Variants in TMCO5A observed in about 807,000 individuals in gnomAD.
The protein encoded by TMCO5A is transmembrane and coiled-coil domain-containing protein 5A.
Under a neutral mutation model 42.3 loss-of-function variants are expected in TMCO5A, and 34 were observed. That is an observed-to-expected ratio of 0.80 (90% CI 0.61 to 1.07). The LOEUF is 1.07. Among genes scored for constraint, TMCO5A ranks in the 50% least tolerant of loss-of-function variants. The pLI, the probability that TMCO5A is intolerant of heterozygous loss-of-function variation, is 0.00. For missense variants in TMCO5A, 357 were observed against 327.9 expected (o/e 1.09, Z -0.69); for synonymous variants, 131 against 115.6 (o/e 1.13, Z -0.86).
At chr15:37,939,579 A>G (rs1889657001) in intron 6 of TMCO5A, among the ~76,000 whole-genome samples, 1 of 152,120 alleles carries the variant, frequency 6.6e-6, no homozygotes. Flanking sequence ...GACAGAGAAC[A>G]AAGTCTAGTC....
At chr15:37,989,776 G>C in the TMCO5A span, among the ~76,000 whole-genome samples, 2,138 of 152,088 alleles carry the variant, frequency 0.014, 60 homozygotes, top group African/African-American at 0.049. Context: ...ATGTCTTTTT[G>C]CTACATTCTA....
chr15:37,996,588 A>G, the TMCO5A span, among the ~76,000 whole-genome samples: 1 of 152,224 alleles, frequency 6.6e-6, no homozygotes, highest in African/African-American at 2.4e-5. Context: ...TAACATTAAG[A>G]TGCCAAATGG....
intron 4 of TMCO5A, 105 bp downstream of exon 4, chr15:37,937,075 G>A (rs1889543825): frequency 9.4e-6 from 14 of 1,495,924 alleles, no homozygotes; most frequent in Middle Eastern, 4.3e-4. Flanking sequence ...ATGAACAGTA[G>A]CCATCTCAAA....
the TMCO5A span, among the ~76,000 whole-genome samples, chr15:38,036,644 G>A: frequency 2.9e-3 from 445 of 152,024 alleles, 3 homozygotes; most frequent in African/African-American, 0.01. Flanking sequence ...TATTTCTGCC[G>A]CCACCACTCC....
chr15:37,942,211 G>T lies in TMCO5A; in HGVS notation c.525G>T (p.Lys175Asn). Residue 175 changes from lysine (K) to asparagine (N), a missense_variant, in exon 9 of 12, where the codon AAG (lysine) becomes AAT (asparagine). By Grantham distance (94) the Lys-to-Asn change is moderately conservative. Coordinates refer to ENST00000319669, the MANE Select transcript of TMCO5A (RefSeq NM_152453.4). ...TGAAGAAGTACCAGGAAACGTTGAA[G>T]AAAATAGAAGAAGAACTAGAGGCTC... ...LYIKKYQETL[K>N]KIEEELEALF... 6.2e-7 allele frequency: 1 copy of T among 1,612,824 alleles called. No individual in the cohort carries two copies. Among genetic ancestry groups the T allele is most frequent in the Non-Finnish European group, 8.5e-7 (1 of 1,179,206 alleles).
chr15:37,984,491 A>AG, the TMCO5A span, among the ~76,000 whole-genome samples: 1 of 152,228 alleles, frequency 6.6e-6, no homozygotes, highest in South Asian at 2.1e-4. Flanking sequence ...ATCCAGTAAA[A>AG]TCTGCCACAC....
downstream of TMCO5A, among the ~76,000 whole-genome samples, chr15:37,955,273 A>G (rs1595603440): frequency 6.6e-6 from 1 of 151,560 alleles, no homozygotes; most frequent in East Asian, 1.9e-4. Flanking sequence ...AAAAAAAAAA[A>G]AACTTAACAA....
intron 9 of TMCO5A, 134 bp downstream of exon 9, chr15:37,942,389 A>G (rs1889779244): frequency 1.3e-6 from 1 of 795,492 alleles, no homozygotes; most frequent in Admixed American, 2.3e-5. Context: ...GCCCTCTGTT[A>G]GTGATCTGGT....
the TMCO5A span, among the ~76,000 whole-genome samples, chr15:38,019,061 G>C: frequency 1.3e-5 from 2 of 152,094 alleles, no homozygotes; most frequent in Non-Finnish European, 2.9e-5. Flanking sequence ...TATATTCTGA[G>C]AGAGAAATAA....
At chr15:37,982,754 A>AATATATAAATATATT in the TMCO5A span, among the ~76,000 whole-genome samples, 2 of 145,106 alleles carry the variant, frequency 1.4e-5, no homozygotes, top group Non-Finnish European at 3.0e-5. Context: ...ATAAATATAT[A>AATATATAAATATATT]ATATATAAAT....
the TMCO5A span, among the ~76,000 whole-genome samples, chr15:37,998,179 T>C: frequency 6.6e-6 from 1 of 152,230 alleles, no homozygotes; most frequent in Non-Finnish European, 1.5e-5. Context: ...ATTTTTCCTT[T>C]GCTCTGTAGA....
chr15:38,031,030 C>T, the TMCO5A span, among the ~76,000 whole-genome samples: 1 of 152,158 alleles, frequency 6.6e-6, no homozygotes, highest in Non-Finnish European at 1.5e-5. Flanking sequence ...TCTGCATCCT[C>T]ACATCCAATA....
At chr15:37,952,051 GC>G (rs1890173050), downstream of TMCO5A, among the ~76,000 whole-genome samples, 1 of 152,150 alleles carries the variant, frequency 6.6e-6, no homozygotes, top group South Asian at 2.1e-4. Context: ...CCCACAGAGG[GC>G]TAATTTAAAC....
chr15:38,001,628 G>A, the TMCO5A span, among the ~76,000 whole-genome samples: 1 of 151,354 alleles, frequency 6.6e-6, no homozygotes, highest in Non-Finnish European at 1.5e-5. Flanking sequence ...TTCTCTGGTG[G>A]TATGTTTCAA....
intron 10 of TMCO5A, chr15:37,943,960 A>C (rs1270945181): frequency 6.6e-6 from 1 of 152,396 alleles, no homozygotes; most frequent in Non-Finnish European, 1.5e-5. Context: ...AATTTCATAC[A>C]GAGCACCAAT....
intron 10 of TMCO5A, 111 bp downstream of exon 10, chr15:37,943,509 C>T (rs981980660): frequency 3.0e-6 from 3 of 996,666 alleles, no homozygotes; most frequent in Non-Finnish European, 3.0e-6. Flanking sequence ...TGCGCATTTT[C>T]CAAGAACAGT....
At chr15:38,025,359 A>G in the TMCO5A span, among the ~76,000 whole-genome samples, 1 of 152,064 alleles carries the variant, frequency 6.6e-6, no homozygotes, top group East Asian at 1.9e-4. Flanking sequence ...TTTCAAGTCA[A>G]TGGCTTCTTT....
the TMCO5A span, among the ~76,000 whole-genome samples, chr15:37,978,827 T>TGTGC: frequency 6.6e-6 from 1 of 151,958 alleles, no homozygotes; most frequent in African/African-American, 2.4e-5. Context: ...TTCGGCCGGC[T>TGTGC]AGGAAGCATG....
rs1032807557 is a variant in TMCO5A, at chr15:37,935,262, C to G, written c.-97C>G. On this transcript the variant is annotated 5_prime_UTR_variant, in exon 2 of 12. It adds an upstream start codon to the 5' untranslated region. Transcript: ENST00000319669. The stretch of plus-strand genomic sequence containing the variant: ...CATCTCTGTTGGCATTTTAGGGAAT[C>G]TACAATGGAAGGACACAAGAAAGAT... 2 of 152,088 alleles carry G rather than the reference C, an allele frequency of 1.3e-5. No individual in the cohort carries two copies. Among genetic ancestry groups the G allele is most frequent in the African/African-American group, 4.8e-5 (2 of 41,438 alleles). The allele number at this position is 152,088 out of a possible 1,614,324, so 9.4% of individuals were successfully genotyped here. A position where few individuals can be genotyped will look rare whatever the true frequency, so the allele number is the denominator to read the frequency against.
Sources: gnomAD v4.1 joint callset for allele counts (sites outside exome capture counted in the v4.1 genomes callset) on GRCh38, gnomAD v4.1.1 for gene constraint, MANE v1.5 for transcripts, NCBI Gene and HGNC (gene_info 2026-07-23, HGNC 2026-07-21) for gene names.